MGRN1: variants seen among roughly 807,000 people sequenced by gnomAD.
The protein encoded by MGRN1 is E3 ubiquitin-protein ligase MGRN1.
MGRN1 carries 29 observed loss-of-function variants against 69.2 expected under a neutral mutation model. The ratio of observed to expected loss-of-function variants is 0.42; its 90% CI spans 0.31 to 0.57. The LOEUF is 0.57. MGRN1 is among the 20% of genes least tolerant of loss of function. The pLI is 0.15. For synonymous variants in MGRN1, 470 were observed against 344.2 expected (o/e 1.37, Z -4.04); for missense variants, 998 against 796.2 (o/e 1.25, Z -3.05).
rs62037154 is a variant in MGRN1 at position 4,681,785 on chromosome 16, C to T, written c.1358+9C>T. The stretch of plus-strand genomic sequence containing the variant: ...AGCAAGGCCCCCGACAGGTGAGCAG[C>T]AGCCAGGCCAGGTGCATGGCAGGGT... On this transcript the variant is annotated intron_variant, in intron 13 of 16. Coordinates refer to ENST00000262370, the MANE Select transcript of MGRN1 (RefSeq NM_015246.4). 1.2e-6 allele frequency: 2 copies of T among 1,607,396 alleles called. No individual in the cohort carries two copies. The highest frequency in any genetic ancestry group is 2.2e-5 in the South Asian group (2 of 90,694).
intron 16 of MGRN1, among the ~76,000 whole-genome samples, chr16:4,684,583 C>T (rs955471012): frequency 6.6e-6 from 1 of 152,254 alleles, no homozygotes; most frequent in Non-Finnish European, 1.5e-5. Flanking sequence ...AGCAAGGCAG[C>T]AAGGCTGGGA....
intron 5 of MGRN1, chr16:4,664,364 T>G: frequency 1.2e-5 from 4 of 326,272 alleles, no homozygotes; most frequent in South Asian, 3.8e-5. Flanking sequence ...GAGGAGGGGA[T>G]GGGGAGTGTG....
At chr16:4,668,706 ACT>A (rs774541767) in intron 8 of MGRN1, among the ~76,000 whole-genome samples, 5 of 150,208 alleles carry the variant, frequency 3.3e-5, no homozygotes, top group African/African-American at 1.0e-4. Flanking sequence ...ACACACATAC[ACT>A]CACACTCACT....
At chr16:4,657,472 T>G in intron 5 of MGRN1, 109 bp downstream of exon 5, 2 of 1,114,146 alleles carry the variant, frequency 1.8e-6, no homozygotes, top group East Asian at 4.8e-5. Flanking sequence ...CCAGGGTTCA[T>G]AAGACCTGGG....
chr16:4,667,514 T>C (rs2078831861), intron 7 of MGRN1, among the ~76,000 whole-genome samples: 1 of 152,218 alleles, frequency 6.6e-6, no homozygotes, highest in Non-Finnish European at 1.5e-5. Flanking sequence ...ATGGGACATC[T>C]CTGGCAAAAT....
intron 8 of MGRN1, 76 bp downstream of exon 8, chr16:4,668,388 C>G (rs1252972843): frequency 2.8e-6 from 4 of 1,440,954 alleles, no homozygotes; most frequent in Admixed American, 3.5e-5. Flanking sequence ...CATACTCATA[C>G]ATAGACACAC....
intron 4 of MGRN1, among the ~76,000 whole-genome samples, chr16:4,653,969 C>G (rs116338439): frequency 0.013 from 1,973 of 152,270 alleles, 51 homozygotes; most frequent in African/African-American, 0.045. Context: ...TCAGGCTGGT[C>G]TCAATCGCTC....
chr16:4,627,891 T>C (rs775460835), intron 1 of MGRN1, among the ~76,000 whole-genome samples: 3 of 150,708 alleles, frequency 2.0e-5, no homozygotes, highest in East Asian at 3.9e-4. Context: ...CCATCCTGGC[T>C]AACACCGTGA....
At chr16:4,671,595 T>C in intron 9 of MGRN1, 136 bp downstream of exon 9, 2 of 730,128 alleles carry the variant, frequency 2.7e-6, no homozygotes, top group Non-Finnish European at 4.7e-6. Flanking sequence ...TCATTTTTCC[T>C]TAATTTTTTT....
At chr16:4,633,060 G>A (rs1270097514) in intron 1 of MGRN1, among the ~76,000 whole-genome samples, 2 of 152,120 alleles carry the variant, frequency 1.3e-5, no homozygotes, top group Non-Finnish European at 2.9e-5. Flanking sequence ...TCCAGCCTGG[G>A]CAGCAGAGTG....
chr16:4,658,397 G>T (rs1023554311), intron 5 of MGRN1, among the ~76,000 whole-genome samples: 16 of 152,106 alleles, frequency 1.1e-4, no homozygotes, highest in Admixed American at 8.5e-4. Flanking sequence ...TTACCCGGGT[G>T]TGGTGGCGGG....
intron 13 of MGRN1, among the ~76,000 whole-genome samples, chr16:4,682,021 C>T (rs1339817878): frequency 2.0e-5 from 3 of 151,928 alleles, no homozygotes; most frequent in African/African-American, 2.4e-5. Flanking sequence ...GCCACACCGG[C>T]GTGCAGGCGC....
intron 2 of MGRN1, chr16:4,651,069 A>T (rs572618251): frequency 1.2e-4 from 19 of 152,098 alleles, no homozygotes; most frequent in Admixed American, 5.9e-4. Context: ...AGATTGCACC[A>T]CTACACTCCA....
chr16:4,688,985 A>G lies in MGRN1; in HGVS notation c.*77A>G. On this transcript the variant is annotated 3_prime_UTR_variant, in exon 17 of 17. Transcript: ENST00000262370. ...AGGGGCTGCTCCGGACCCCGTTGTG[A>G]GCCGGCCTCCTGTCTGCATGCCCCC... 1 of 1,458,436 alleles carries G rather than the reference A, an allele frequency of 6.9e-7. No homozygotes were observed. The highest frequency in any genetic ancestry group is 9.1e-7 in the Non-Finnish European group (1 of 1,099,916). 90.3% of individuals were successfully genotyped at this position (1,458,436 alleles called of 1,614,324 possible). A position where few individuals can be genotyped will look rare whatever the true frequency, so the allele number is the denominator to read the frequency against.
chr16:4,677,580 C>T lies in MGRN1; in HGVS notation c.1065+8C>T. On this transcript the variant is annotated splice_region_variant and intron_variant, in intron 11 of 16. Coordinates refer to ENST00000262370, the MANE Select transcript of MGRN1 (RefSeq NM_015246.4). ...GAGCATGATGAGCACTCTGTAAGTG[C>T]CGCCTCCTGCCTGCGGGATGGGCGG... 6.3e-7 allele frequency: 1 copy of T among 1,598,100 alleles called. No individual in the cohort carries two copies. Among genetic ancestry groups the T allele is most frequent in the Non-Finnish European group, 8.5e-7 (1 of 1,178,616 alleles).
intron 9 of MGRN1, chr16:4,672,476 G>C (rs148301860): frequency 4.4e-6 from 2 of 456,744 alleles, no homozygotes; most frequent in African/African-American, 4.0e-5. Flanking sequence ...CCACGTGGCG[G>C]GAGCGGAGCA....
At chr16:4,666,020 C>T (rs755030259) in intron 7 of MGRN1, among the ~76,000 whole-genome samples, 1 of 152,056 alleles carries the variant, frequency 6.6e-6, no homozygotes, top group African/African-American at 2.4e-5. Flanking sequence ...TCAGTAGAGA[C>T]AGGGTTTCAC....
At chr16:4,625,195 C>A in intron 1 of MGRN1, 147 bp downstream of exon 1, 1 of 712,892 alleles carries the variant, frequency 1.4e-6, no homozygotes, top group Non-Finnish European at 2.0e-6. Context: ...GGCCCCACGG[C>A]CCCGATCCCT....
intron 5 of MGRN1, 56 bp downstream of exon 5, chr16:4,657,419 G>C (rs916351480): frequency 6.5e-7 from 1 of 1,535,688 alleles, no homozygotes; most frequent in Admixed American, 1.7e-5. Context: ...CTCTCCCCTT[G>C]GGGGTGGGGC....
Sources: allele counts gnomAD v4.1 joint callset (sites outside exome capture counted in the v4.1 genomes callset), GRCh38; gene constraint gnomAD v4.1.1; transcripts MANE v1.5; gene names NCBI Gene and HGNC (gene_info 2026-07-23, HGNC 2026-07-21).